The following TMTC2 variants were observed in gnomAD, a reference collection of about 807,000 sequenced individuals.
The protein encoded by TMTC2 is transmembrane O-mannosyltransferase targeting cadherins 2.
In TMTC2, 43 loss-of-function variants were observed where a neutral mutation model predicts 82.4. The ratio of observed to expected loss-of-function variants is 0.52; its 90% confidence interval spans 0.41 to 0.67. The LOEUF (loss-of-function observed/expected upper bound fraction) is 0.67. TMTC2 is among the 30% of genes least tolerant of loss of function. The pLI is 0.00. For missense variants in TMTC2, 919 were observed against 1,012.4 expected (o/e 0.91, Z 1.25); for synonymous variants, 408 against 381.9 (o/e 1.07, Z -0.80).
intron 8 of TMTC2, among the ~76,000 whole-genome samples, chr12:82,995,663 C>T (rs1486128838): frequency 1.3e-5 from 2 of 152,076 alleles, no homozygotes; most frequent in Non-Finnish European, 2.9e-5. Flanking sequence ...TTCATATATC[C>T]CTTGATATAT....
chr12:82,972,131 G>A (rs1277018958), intron 7 of TMTC2, among the ~76,000 whole-genome samples: 1 of 152,104 alleles, frequency 6.6e-6, no homozygotes, highest in Non-Finnish European at 1.5e-5. Flanking sequence ...ATAATTTCCT[G>A]TTCTCTGAAA....
chr12:82,750,147 A>G (rs1414952891), intron 1 of TMTC2, among the ~76,000 whole-genome samples: 1 of 151,758 alleles, frequency 6.6e-6, no homozygotes, highest in East Asian at 1.9e-4. Context: ...CTACATACTT[A>G]TTTGTAGTTT....
intron 1 of TMTC2, among the ~76,000 whole-genome samples, chr12:82,781,565 C>T (rs79227168): frequency 0.12 from 17,448 of 151,720 alleles, 1,097 homozygotes; most frequent in Middle Eastern, 0.2. Context: ...GTTGCCATTG[C>T]GATGTTCTTA....
At chr12:82,887,955 T>C (rs1251605882) in intron 2 of TMTC2, among the ~76,000 whole-genome samples, 2 of 152,176 alleles carry the variant, frequency 1.3e-5, no homozygotes, top group Non-Finnish European at 2.9e-5. Context: ...GGCACATGCC[T>C]GTAATTCCAC....
intron 1 of TMTC2, among the ~76,000 whole-genome samples, chr12:82,806,811 G>C (rs1358162145): frequency 6.6e-6 from 1 of 152,222 alleles, no homozygotes; most frequent in East Asian, 1.9e-4. Context: ...GAAGAAGAGG[G>C]GGGTTGGTCT....
intron 10 of TMTC2, among the ~76,000 whole-genome samples, chr12:83,054,438 C>T (rs1347182729): frequency 3.3e-5 from 5 of 151,592 alleles, no homozygotes; most frequent in African/African-American, 1.2e-4. Flanking sequence ...GAAATTGATG[C>T]AAAATACTAA....
intron 11 of TMTC2, among the ~76,000 whole-genome samples, chr12:83,063,888 A>G (rs1156480372): frequency 2.0e-5 from 3 of 151,860 alleles, no homozygotes; most frequent in Non-Finnish European, 2.9e-5. Context: ...TAAGAGTTAC[A>G]GCAGGGAACG....
Position 82,896,752 on chromosome 12 carries a change from T to G in TMTC2, c.1483+106T>G, listed in dbSNP as rs1261386961. 3 of 815,044 alleles carry G rather than the reference T, an allele frequency of 3.7e-6. No homozygotes were observed. In the African/African-American group the frequency reaches 5.2e-5, roughly 14 times the overall value. The allele number at this position is 815,044 out of a possible 1,614,324, so 50.5% of individuals were successfully genotyped here. On this transcript the variant is annotated intron_variant, in intron 3 of 11. Coordinates refer to ENST00000321196, the MANE Select transcript of TMTC2 (RefSeq NM_152588.3). Reference sequence around the variant, plus strand: ...AGTATTAAGGAGGAAGAGGTCCTTTTATGCAGTACCTGTATCTTTCATTCT... The same window carrying G: ...AGTATTAAGGAGGAAGAGGTCCTTTGATGCAGTACCTGTATCTTTCATTCT...
At chr12:82,760,859 C>T in intron 1 of TMTC2, 1 of 411,530 alleles carries the variant, frequency 2.4e-6, no homozygotes, top group Non-Finnish European at 4.9e-6. Flanking sequence ...TCATTGTCTC[C>T]CCTCACCCCC....
intron 4 of TMTC2, among the ~76,000 whole-genome samples, chr12:82,963,834 T>TATATATATTTCTCAC (rs1878061028): frequency 9.6e-6 from 1 of 104,234 alleles, no homozygotes; most frequent in African/African-American, 5.6e-5. Flanking sequence ...TATATATATA[T>TATATATATTTCTCAC]ATATATATAT....
At chr12:82,845,226 C>T (rs1488848348) in intron 1 of TMTC2, among the ~76,000 whole-genome samples, 15 of 45,562 alleles carry the variant, frequency 3.3e-4, no homozygotes, top group African/African-American at 1.4e-3. Context: ...GTGACTGTCT[C>T]AAAAAAAAAA....
In TMTC2 at chr12:82,697,341, A is replaced by G. The variant is rs1872859437; in HGVS notation, c.83+9672A>G. On this transcript the variant is annotated intron_variant, in intron 1 of 11. Coordinates refer to ENST00000321196, the MANE Select transcript of TMTC2 (RefSeq NM_152588.3). Reference sequence around the variant, plus strand: ...CCTGGTGACAGCCTGTCTCAAAAAAAAAAAAAAAAAAAAGGAAAAAAAAAC... The same window carrying G: ...CCTGGTGACAGCCTGTCTCAAAAAAGAAAAAAAAAAAAAGGAAAAAAAAAC... Among the ~76,000 whole-genome samples the G allele has an allele frequency of 2.6e-5, 4 of 151,450 alleles. No individual in the cohort carries two copies. The South Asian group carries it at 8.3e-4, about 32-fold the overall frequency.
Position 82,908,074 on chromosome 12 carries a change from G to A in TMTC2, c.1483+11428G>A, listed in dbSNP as rs562466437. Among the ~76,000 whole-genome samples, 4 of 152,066 alleles carry A rather than the reference G, an allele frequency of 2.6e-5. No homozygotes were observed. The South Asian group carries it at 8.3e-4, about 32-fold the overall frequency. ...TTGCAGTGAGCCGAGACTGTACCGA[G>A]GGCAACAGAGCGAGATTCCCTCTCA... On this transcript the variant is annotated intron_variant, in intron 3 of 11. Transcript: ENST00000321196.
At chr12:82,864,416 C>T (rs1263195271) in intron 2 of TMTC2, among the ~76,000 whole-genome samples, 2 of 151,136 alleles carry the variant, frequency 1.3e-5, no homozygotes, top group Non-Finnish European at 2.9e-5. Context: ...AGGGAGGGTT[C>T]CTTTGGTGAT....
At chr12:82,689,978 T>G (rs1872510900) in intron 1 of TMTC2, among the ~76,000 whole-genome samples, 2 of 152,218 alleles carry the variant, frequency 1.3e-5, no homozygotes, top group South Asian at 4.1e-4. Flanking sequence ...CACATATTCT[T>G]AGAATGTGAA....
chr12:82,750,058 T>A (rs1875902191), intron 1 of TMTC2, among the ~76,000 whole-genome samples: 1 of 152,086 alleles, frequency 6.6e-6, no homozygotes, highest in East Asian at 1.9e-4. Flanking sequence ...TGTTTTTCAA[T>A]CCTGTTTTGA....
At chr12:83,069,231 C>T (rs1160444205) in intron 11 of TMTC2, among the ~76,000 whole-genome samples, 1 of 152,106 alleles carries the variant, frequency 6.6e-6, no homozygotes, top group Non-Finnish European at 1.5e-5. Context: ...ACTGCTAGAT[C>T]AAATGGTAGT....
rs565159247 is a variant in TMTC2, at chr12:83,108,175, T to C, written c.2332-24035T>C. Among the ~76,000 whole-genome samples, 7 of 152,336 alleles carry C rather than the reference T, an allele frequency of 4.6e-5. No homozygotes were observed. In the South Asian group the frequency reaches 1.0e-3, roughly 23 times the overall value. ...TTTATAAATCGCCCAGTCTCAGTTC[T>C]TTATAGCAATGGGAGAATGGACTAA... On this transcript the variant is annotated intron_variant, in intron 11 of 11. Transcript: ENST00000321196.
chr12:82,989,465 A>T (rs913576657), intron 8 of TMTC2, among the ~76,000 whole-genome samples: 10 of 152,128 alleles, frequency 6.6e-5, no homozygotes, highest in African/African-American at 2.4e-4. Context: ...ACAACTCCAC[A>T]TAAGTATTAA....
Sources: gnomAD v4.1 joint callset for allele counts (sites outside exome capture counted in the v4.1 genomes callset) on GRCh38, gnomAD v4.1.1 for gene constraint, MANE v1.5 for transcripts, NCBI Gene and HGNC (gene_info 2026-07-23, HGNC 2026-07-21) for gene names.